Variants in ZNF736 observed in about 807,000 individuals in gnomAD.
The protein encoded by ZNF736 is KRAB-containing zinc-finger repressor protein.
ZNF736 carries 6 observed loss-of-function variants against 11.7 expected under a neutral mutation model. The observed-to-expected ratio is 0.51, with a 90% CI of 0.28 to 1.01. The LOEUF (loss-of-function observed/expected upper bound fraction) is 1.01, where lower values mean the gene tolerates loss of function less well. Ranked by LOEUF, ZNF736 falls within the 50% of genes least tolerant of loss-of-function variation. The pLI, the probability that ZNF736 is intolerant of heterozygous loss-of-function variation, is 0.09. For missense variants in ZNF736, 444 were observed against 496.0 expected (o/e 0.90, Z 1.00); for synonymous variants, 139 against 164.7 (o/e 0.84, Z 1.19).
intron 1 of ZNF736, among the ~76,000 whole-genome samples, chr7:64,325,301 A>C (rs1202796808): frequency 6.6e-6 from 1 of 152,206 alleles, no homozygotes; most frequent in Non-Finnish European, 1.5e-5. Flanking sequence ...CTTAACTTTC[A>C]CCTATGAAGC....
intron 3 of ZNF736, among the ~76,000 whole-genome samples, chr7:64,344,446 C>T (rs1789381863): frequency 1.3e-5 from 2 of 152,166 alleles, no homozygotes; most frequent in South Asian, 4.1e-4. Flanking sequence ...GAATCCACTA[C>T]TCATTTTTCC....
intron 1 of ZNF736, among the ~76,000 whole-genome samples, chr7:64,335,418 GTGTTAA>G (rs1222768284): frequency 2.0e-5 from 3 of 151,844 alleles, no homozygotes; most frequent in African/African-American, 4.8e-5. Context: ...ACCCTTTTTT[GTGTTAA>G]TGTTAATAAT....
chr7:64,336,837 G>A (rs1377118430), intron 2 of ZNF736, 50 bp from the exon 3 acceptor site: 5 of 1,410,072 alleles, frequency 3.5e-6, no homozygotes, highest in Non-Finnish European at 4.9e-6. Flanking sequence ...TACTAGATTA[G>A]TAATCAGATT....
intron 3 of ZNF736, among the ~76,000 whole-genome samples, chr7:64,341,698 T>C (rs1451859088): frequency 6.6e-6 from 1 of 152,208 alleles, no homozygotes; most frequent in Non-Finnish European, 1.5e-5. Flanking sequence ...TTGTTTTAGA[T>C]TTCTCTTGAG....
chr7:64,329,744 CCCACAG>C (rs1789134102), intron 1 of ZNF736, among the ~76,000 whole-genome samples: 4 of 151,580 alleles, frequency 2.6e-5, no homozygotes, highest in Non-Finnish European at 5.9e-5. Context: ...TCACATAAGG[CCCACAG>C]TGACCACTAC....
chr7:64,325,167 T>TTA (rs1789066439), intron 1 of ZNF736, among the ~76,000 whole-genome samples: 1 of 148,718 alleles, frequency 6.7e-6, no homozygotes, highest in African/African-American at 2.5e-5. Flanking sequence ...AAACCAGTTG[T>TTA]AAAAAAAAAA....
At chr7:64,322,925 C>T (rs62463901) in intron 1 of ZNF736, among the ~76,000 whole-genome samples, 1,892 of 152,234 alleles carry the variant, frequency 0.012, 15 homozygotes, top group Non-Finnish European at 0.02. Flanking sequence ...TACTTAGTCA[C>T]TCTCTATTAC....
intron 1 of ZNF736, among the ~76,000 whole-genome samples, chr7:64,323,351 A>G (rs1168949201): frequency 1.3e-5 from 2 of 152,218 alleles, no homozygotes; most frequent in Non-Finnish European, 2.9e-5. Flanking sequence ...ACTTGTGATT[A>G]CATTTCAATA....
intron 1 of ZNF736, among the ~76,000 whole-genome samples, chr7:64,332,735 C>G (rs1265535223): frequency 6.6e-6 from 1 of 152,074 alleles, no homozygotes; most frequent in Non-Finnish European, 1.5e-5. Context: ...AGACCTCCCC[C>G]CAGGAGTGCA....
In ZNF736 at chr7:64,350,779, T is replaced by TTTTGTTTTG. The variant is rs1789475842; in HGVS notation, c.*1636_*1644dup. ...TTCCTGGGAGGTTTTTTTTGTTTTG[T>TTTTGTTTTG]TTTGTTTTGTTTTGTTTTGTTTGGT... On this transcript the variant is annotated 3_prime_UTR_variant, in exon 4 of 4. Transcript: ENST00000423484. The TTTTGTTTTG allele has an allele frequency of 6.6e-6, 1 of 152,350 alleles. No individual in the cohort carries two copies. The highest frequency in any genetic ancestry group is 6.6e-5 in the Admixed American group (1 of 15,186). 9.4% of individuals were successfully genotyped at this position (152,350 alleles called of 1,614,324 possible).
At chr7:64,341,556 T>C (rs545587676) in intron 3 of ZNF736, among the ~76,000 whole-genome samples, 2 of 152,202 alleles carry the variant, frequency 1.3e-5, no homozygotes, top group South Asian at 4.1e-4. Flanking sequence ...CTTAGATGAC[T>C]GTGGCATGGC....
intron 1 of ZNF736, among the ~76,000 whole-genome samples, chr7:64,335,145 A>C (rs917762582): frequency 6.6e-5 from 10 of 152,166 alleles, no homozygotes; most frequent in African/African-American, 2.4e-4. Context: ...GCCTGTCAGC[A>C]GATGGGGGCA....
intron 1 of ZNF736, among the ~76,000 whole-genome samples, chr7:64,326,964 C>G (rs1243062882): frequency 6.6e-6 from 1 of 152,112 alleles, no homozygotes; most frequent in African/African-American, 2.4e-5. Context: ...TGTGACCTAG[C>G]TTATGGTCCA....
intron 1 of ZNF736, among the ~76,000 whole-genome samples, chr7:64,324,456 G>C (rs575680568): frequency 6.6e-6 from 1 of 152,224 alleles, no homozygotes; most frequent in South Asian, 2.1e-4. Context: ...GGGTCAACAG[G>C]AACTGAGGAC....
intron 3 of ZNF736, among the ~76,000 whole-genome samples, chr7:64,347,606 T>A (rs1347475579): frequency 6.6e-6 from 1 of 152,206 alleles, no homozygotes; most frequent in Non-Finnish European, 1.5e-5. Context: ...CTTTCTTCTC[T>A]TGTAACAGTC....
intron 1 of ZNF736, among the ~76,000 whole-genome samples, chr7:64,332,347 AC>A (rs1789182637): frequency 6.6e-6 from 1 of 152,162 alleles, no homozygotes; most frequent in South Asian, 2.1e-4. Context: ...GGACTGTGAT[AC>A]CCACCTGAGT....
chr7:64,339,321 T>A (rs1012732606), intron 3 of ZNF736, among the ~76,000 whole-genome samples: 7 of 152,192 alleles, frequency 4.6e-5, no homozygotes, highest in African/African-American at 1.7e-4. Flanking sequence ...TATTTGCTTT[T>A]ATTGCTGTAC....
chr7:64,346,652 TTA>T (rs1235631074), intron 3 of ZNF736, among the ~76,000 whole-genome samples: 2 of 152,128 alleles, frequency 1.3e-5, no homozygotes, highest in Non-Finnish European at 2.9e-5. Context: ...ATTGCTTGTG[TTA>T]TGTCTTGTTA....
intron 1 of ZNF736, among the ~76,000 whole-genome samples, chr7:64,332,865 C>T (rs549128370): frequency 5.3e-5 from 8 of 152,216 alleles, no homozygotes; most frequent in African/African-American, 1.9e-4. Flanking sequence ...GCTCTTTTTG[C>T]CCGACCCCGC....
Sources: allele counts gnomAD v4.1 joint callset (sites outside exome capture counted in the v4.1 genomes callset), GRCh38; gene constraint gnomAD v4.1.1; transcripts MANE v1.5; gene names NCBI Gene and HGNC (gene_info 2026-07-23, HGNC 2026-07-21).